Variants in SSH1 observed in about 807,000 individuals in gnomAD.
SSH1 encodes the protein protein phosphatase Slingshot homolog 1.
SSH1 carries 43 observed loss-of-function variants against 79.7 expected under a neutral mutation model. The ratio of observed to expected loss-of-function variants is 0.54; its 90% CI spans 0.42 to 0.70. The LOEUF is 0.70. Among genes scored for constraint, SSH1 ranks in the 30% least tolerant of loss-of-function variants. The pLI is 0.00. For missense variants in SSH1, 1,206 were observed against 1,358.8 expected, an observed-to-expected ratio of 0.89 and a Z score of 1.77; for synonymous variants, 599 against 538.3, an observed-to-expected ratio of 1.11 and a Z score of -1.56.
At chr12:108,829,796 C>G (rs980842873) in intron 2 of SSH1, among the ~76,000 whole-genome samples, 3 of 152,136 alleles carry the variant, frequency 2.0e-5, no homozygotes, top group African/African-American at 7.2e-5. Flanking sequence ...TCCTGGGCAT[C>G]TACTTTTTTA....
intron 5 of SSH1, 127 bp from the exon 6 acceptor site, chr12:108,811,455 G>C (rs1398405483): frequency 1.2e-6 from 1 of 811,800 alleles, no homozygotes; most frequent in East Asian, 2.6e-5. Context: ...GTCTGCATAG[G>C]AACCGTTCAC....
intron 3 of SSH1, among the ~76,000 whole-genome samples, chr12:108,822,192 A>G (rs2038147088): frequency 6.6e-6 from 1 of 151,964 alleles, no homozygotes; most frequent in South Asian, 2.1e-4. Flanking sequence ...ACAAAAAACT[A>G]GCTGGCTGTG....
chr12:108,811,137 G>A (rs1049117715), intron 6 of SSH1, 123 bp downstream of exon 6: 16 of 908,268 alleles, frequency 1.8e-5, no homozygotes, highest in East Asian at 1.7e-4. Context: ...GATTTCTCCC[G>A]CTGTGACACT....
chr12:108,827,634 GCT>G, intron 2 of SSH1: 1 of 1,099,402 alleles, frequency 9.1e-7, no homozygotes, highest in Non-Finnish European at 1.1e-6. Context: ...ACTCCTACGG[GCT>G]TTTCTGTAGG....
At chr12:108,847,159 A>T (rs1397132316) in intron 2 of SSH1, among the ~76,000 whole-genome samples, 1 of 152,160 alleles carries the variant, frequency 6.6e-6, no homozygotes, top group Admixed American at 6.5e-5. Flanking sequence ...TTGGCTTCCC[A>T]AAGTATTGGG....
At position 108,783,662 on chromosome 12, in the gene SSH1, G is replaced by A. The variant is rs773236087; in HGVS notation, c.*4326C>T. On this transcript the variant is annotated 3_prime_UTR_variant, in exon 15 of 15. Transcript: ENST00000326495. ...ACTGGTCACAGTTTCATTCCAGATC[G>A]TTAAGGTGATTTGCTCTGTGGCTCA... 1 of 152,210 alleles carries A rather than the reference G, an allele frequency of 6.6e-6. No homozygotes were observed. The highest frequency in any genetic ancestry group is 1.5e-5 in the Non-Finnish European group (1 of 68,064). The allele number at this position is 152,210 out of a possible 1,614,324, so 9.4% of individuals were successfully genotyped here. A position where few individuals can be genotyped will look rare whatever the true frequency, so the allele number is the denominator to read the frequency against.
At chr12:108,805,750 G>A (rs1441656233) in intron 9 of SSH1, among the ~76,000 whole-genome samples, 1 of 151,616 alleles carries the variant, frequency 6.6e-6, no homozygotes. Context: ...TAACTTCTTA[G>A]ATCCATCCAG....
At chr12:108,810,782 T>C (rs2037546476) in intron 6 of SSH1, among the ~76,000 whole-genome samples, 1 of 152,236 alleles carries the variant, frequency 6.6e-6, no homozygotes, top group African/African-American at 2.4e-5. Context: ...CCCGACTGCC[T>C]GCCCGGGTGG....
intron 2 of SSH1, among the ~76,000 whole-genome samples, chr12:108,851,261 A>T (rs886690025): frequency 4.0e-5 from 6 of 149,390 alleles, no homozygotes; most frequent in African/African-American, 1.5e-4. Context: ...GTGCCGTAAT[A>T]AAAGTGAGTA....
chr12:108,831,917 C>A (rs2038482792), intron 2 of SSH1, among the ~76,000 whole-genome samples: 1 of 152,166 alleles, frequency 6.6e-6, no homozygotes, highest in Non-Finnish European at 1.5e-5. Context: ...AAGAAACAAA[C>A]CTCATGCTTG....
intron 12 of SSH1, among the ~76,000 whole-genome samples, chr12:108,800,025 G>A (rs1039553566): frequency 1.3e-5 from 2 of 152,148 alleles, no homozygotes; most frequent in African/African-American, 2.4e-5. Context: ...CCCCCTAACT[G>A]CTGGTCTGAA....
chr12:108,807,580 G>A lies in SSH1; in HGVS notation c.731+53C>T, dbSNP rs766335799. On this transcript the variant is annotated intron_variant, in intron 8 of 14. Coordinates refer to ENST00000326495, the MANE Select transcript of SSH1 (RefSeq NM_018984.4). This position sits in a 1 kb window ranked among gnomAD's most constrained non-coding sequence, Gnocchi z 5.2. ...GGTCGGGCACAGGGCAGGTGGGGGA[G>A]AGGCAGGTGCCTGTGGGCTTGGGTG... is the stretch of plus-strand genomic sequence containing the variant. 2 of 1,579,544 alleles carry A rather than the reference G, an allele frequency of 1.3e-6. No individual in the cohort carries two copies. The highest frequency in any genetic ancestry group is 1.7e-6 in the Non-Finnish European group (2 of 1,151,230).
Position 108,800,745 on chromosome 12 carries a change from G to C in SSH1, c.1148+35C>G, listed in dbSNP as rs777262587. 3 of 1,607,646 alleles carry C rather than the reference G, an allele frequency of 1.9e-6. No individual in the cohort carries two copies. In the East Asian group the frequency reaches 6.7e-5, roughly 36 times the overall value. ...CCACTCTCCCAGCCTCAGCAGGTTGGTTTCATCCTCAGCCCCGCCTCTCTG... is the reference window on the plus strand; with the variant it reads ...CCACTCTCCCAGCCTCAGCAGGTTGCTTTCATCCTCAGCCCCGCCTCTCTG... On this transcript the variant is annotated intron_variant, in intron 12 of 14. Coordinates refer to ENST00000326495, the MANE Select transcript of SSH1 (RefSeq NM_018984.4).
At chr12:108,848,229 G>A (rs2038944152) in intron 2 of SSH1, among the ~76,000 whole-genome samples, 1 of 152,188 alleles carries the variant, frequency 6.6e-6, no homozygotes, top group Non-Finnish European at 1.5e-5. Flanking sequence ...GTGAGGACCT[G>A]AAGAGGCGCC....
Position 108,800,929 on chromosome 12 carries a change from G to A in SSH1, c.1002-3C>T. ...TAACATTTAAAATGTAATCAACCCT[G>A]CAATGAGAAAAAAATAAGAAACAAA... On this transcript the variant is annotated splice_polypyrimidine_tract_variant and splice_region_variant and intron_variant, in intron 11 of 14. Coordinates refer to ENST00000326495, the MANE Select transcript of SSH1 (RefSeq NM_018984.4). 6.2e-7 allele frequency: 1 copy of A among 1,612,498 alleles called. No homozygotes were observed. Among genetic ancestry groups the A allele is most frequent in the Non-Finnish European group, 8.5e-7 (1 of 1,179,282 alleles).
At chr12:108,851,541 T>C (rs1448927369) in intron 2 of SSH1, among the ~76,000 whole-genome samples, 1 of 152,182 alleles carries the variant, frequency 6.6e-6, no homozygotes, top group Non-Finnish European at 1.5e-5. Context: ...CTCCTTGGTA[T>C]GAAGGAATAC....
At chr12:108,812,463 G>A (rs1358464016) in intron 5 of SSH1, among the ~76,000 whole-genome samples, 2 of 152,240 alleles carry the variant, frequency 1.3e-5, no homozygotes, top group South Asian at 2.1e-4. Flanking sequence ...ATAAGGAGGT[G>A]GGTACAGCAC....
rs147437851 is a variant in SSH1, at chr12:108,851,855, T to C, written c.110+783A>G. On this transcript the variant is annotated intron_variant, in intron 2 of 14. Coordinates refer to ENST00000326495, the MANE Select transcript of SSH1 (RefSeq NM_018984.4). ...GCAAGATGAAAAAGTGAGGGCAGAG[T>C]GTCATGATTATTACTTTTTTTTTTA... is the stretch of plus-strand genomic sequence containing the variant. Among the ~76,000 whole-genome samples the C allele has an allele frequency of 3.9e-3, 597 of 152,144 alleles. 2 individuals carry two copies. The highest frequency in any genetic ancestry group is 0.014 in the African/African-American group (567 of 41,510).
chr12:108,844,569 C>A (rs1270749561), intron 2 of SSH1, among the ~76,000 whole-genome samples: 1 of 152,240 alleles, frequency 6.6e-6, no homozygotes, highest in Non-Finnish European at 1.5e-5. Flanking sequence ...ATCCCTAGAA[C>A]ACACACAGAT....
Sources: allele counts gnomAD v4.1 joint callset (sites outside exome capture counted in the v4.1 genomes callset), GRCh38; gene constraint gnomAD v4.1.1; non-coding constraint Gnocchi (gnomAD v3.1); transcripts MANE v1.5; gene names NCBI Gene and HGNC (gene_info 2026-07-23, HGNC 2026-07-21).